The following ANGPTL7 variants were observed in gnomAD, a reference collection of about 807,000 sequenced individuals.
The protein encoded by ANGPTL7 is angiopoietin-related protein 7.
A neutral mutation model predicts 38.8 loss-of-function variants in ANGPTL7; 37 were observed. That is an observed-to-expected ratio of 0.95 (90% CI 0.73 to 1.25). The LOEUF is 1.25. Among genes scored for constraint, ANGPTL7 ranks in the 50% most tolerant of loss-of-function variants. ANGPTL7 has a pLI of 0.00. For missense variants in ANGPTL7, 427 were observed against 438.6 expected, an observed-to-expected ratio of 0.97 and a Z score of 0.24; for synonymous variants, 166 against 163.2, an observed-to-expected ratio of 1.02 and a Z score of -0.13.
chr1:11,189,600 A>G lies in ANGPTL7; in HGVS notation c.21A>G (p.Ser7=). 1 of 1,610,472 alleles carries G rather than the reference A, an allele frequency of 6.2e-7. No homozygotes were observed. Among genetic ancestry groups the G allele is most frequent in the South Asian group, 1.1e-5 (1 of 90,742 alleles). The change falls in exon 1 of 5, where the codon TCA becomes TCG. Residue 7 remains serine (S), a synonymous_variant. Transcript: ENST00000376819. Reference sequence around the variant, plus strand: ...AAAAGATGCTGAAAAAGCCTCTCTCAGCTGTGACCTGGCTCTGCATTTTCA... The same window carrying G: ...AAAAGATGCTGAAAAAGCCTCTCTCGGCTGTGACCTGGCTCTGCATTTTCA... MLKKPL[S]AVTWLCIFIV... is the part of the protein sequence containing the mutation.
In ANGPTL7 at chr1:11,193,595, G is replaced by A. The variant is rs1273514625; in HGVS notation, c.493G>A (p.Glu165Lys). 3 of 1,597,160 alleles carry A rather than the reference G, an allele frequency of 1.9e-6. No individual in the cohort carries two copies. The highest frequency in any genetic ancestry group is 1.1e-5 in the South Asian group (1 of 87,628). ...TCTGCTTCAGGTGTTCTGTGACATG[G>A]AGACTTCAGGCGGAGGCTGGACCAT... ...SPELEVFCDM[E>K]TSGGGWTIIQ... The change falls in exon 3 of 5, where the codon GAG becomes AAG. Residue 165 changes from glutamate to lysine, a missense_variant. By Grantham distance (56) the Glu-to-Lys change is moderately conservative. Coordinates refer to ENST00000376819, the MANE Select transcript of ANGPTL7 (RefSeq NM_021146.4).
chr1:11,193,324 G>A (rs1645624431), intron 2 of ANGPTL7, among the ~76,000 whole-genome samples: 1 of 150,958 alleles, frequency 6.6e-6, no homozygotes, highest in Non-Finnish European at 1.5e-5. Flanking sequence ...AAAAAAAAAA[G>A]TATCTGGATT....
intron 1 of ANGPTL7, among the ~76,000 whole-genome samples, chr1:11,191,488 CAT>C (rs1645528781): frequency 6.6e-6 from 1 of 152,166 alleles, no homozygotes; most frequent in Non-Finnish European, 1.5e-5. Flanking sequence ...CACCCCGAGA[CAT>C]AGCAGGCAGG....
At chr1:11,190,158 C>A (rs1021485275) in intron 1 of ANGPTL7, among the ~76,000 whole-genome samples, 1 of 152,212 alleles carries the variant, frequency 6.6e-6, no homozygotes, top group Non-Finnish European at 1.5e-5. Context: ...TTTATCCACA[C>A]AGTGTTTCAG....
At chr1:11,192,864 C>T (rs1645601005) in intron 2 of ANGPTL7, among the ~76,000 whole-genome samples, 1 of 152,042 alleles carries the variant, frequency 6.6e-6, no homozygotes, top group African/African-American at 2.4e-5. Flanking sequence ...TCTGTTTGGC[C>T]CCTTCAAATC....
intron 2 of ANGPTL7, 41 bp from the exon 3 acceptor site, chr1:11,193,539 G>A (rs754334070): frequency 6.5e-7 from 1 of 1,537,702 alleles, no homozygotes; most frequent in Non-Finnish European, 8.8e-7. Context: ...CCTGCCTTCT[G>A]CCCCTGCAAG....
intron 3 of ANGPTL7, 64 bp from the exon 4 acceptor site, chr1:11,194,397 G>T (rs1645691953): frequency 6.8e-7 from 1 of 1,480,034 alleles, no homozygotes; most frequent in African/African-American, 1.4e-5. Flanking sequence ...GGAGAGAAGG[G>T]GTATAGAGAC....
At chr1:11,194,099 T>C (rs191853326) in intron 3 of ANGPTL7, among the ~76,000 whole-genome samples, 4 of 152,298 alleles carry the variant, frequency 2.6e-5, no homozygotes, top group African/African-American at 9.6e-5. Flanking sequence ...CAAATCTTAC[T>C]GATACTGTTT....
chr1:11,192,689 G>A (rs1195385775), intron 2 of ANGPTL7, among the ~76,000 whole-genome samples: 2 of 149,526 alleles, frequency 1.3e-5, no homozygotes, highest in Non-Finnish European at 3.0e-5. Flanking sequence ...AGGTTGCAGT[G>A]AGCCGAGATC....
intron 2 of ANGPTL7, 45 bp downstream of exon 2, chr1:11,192,415 C>T (rs769205362): frequency 6.7e-7 from 1 of 1,491,120 alleles, no homozygotes; most frequent in South Asian, 1.1e-5. Context: ...ACCTGTCCTT[C>T]ACCCCCTCAA....
chr1:11,194,416 A>G, intron 3 of ANGPTL7, 45 bp from the exon 4 acceptor site: 1 of 1,588,154 alleles, frequency 6.3e-7, no homozygotes, highest in Non-Finnish European at 8.6e-7. Flanking sequence ...ACAGCATGAA[A>G]TGGAGCCTGC....
At chr1:11,191,695 G>A (rs1182327782) in intron 1 of ANGPTL7, among the ~76,000 whole-genome samples, 1 of 152,178 alleles carries the variant, frequency 6.6e-6, no homozygotes, top group Non-Finnish European at 1.5e-5. Context: ...CTGGGAGGAA[G>A]GCCTCAAAGG....
intron 1 of ANGPTL7, among the ~76,000 whole-genome samples, chr1:11,191,528 A>G (rs1282030845): frequency 1.3e-5 from 2 of 152,146 alleles, no homozygotes; most frequent in Non-Finnish European, 2.9e-5. Flanking sequence ...TAAGGGCCGC[A>G]GTCTCTGAAT....
chr1:11,194,572 G>C lies in ANGPTL7; in HGVS notation c.784G>C (p.Ala262Pro). The C allele has an allele frequency of 6.2e-7, 1 of 1,614,096 alleles. No individual in the cohort carries two copies. Among genetic ancestry groups the C allele is most frequent in the Non-Finnish European group, 8.5e-7 (1 of 1,180,028 alleles). ...GNYTGNVGND[A>P]LQYHNNTAFS... ...CTACACTGGCAATGTGGGGAACGAC[G>C]CCCTCCAGTATCATAACAACACAGC... The change falls in exon 4 of 5, where the codon GCC becomes CCC. Residue 262 changes from alanine (A) to proline (P), a missense_variant. By Grantham distance (27) the Ala-to-Pro change is conservative. Coordinates refer to ENST00000376819, the MANE Select transcript of ANGPTL7 (RefSeq NM_021146.4).
chr1:11,190,584 G>A (rs574762272), intron 1 of ANGPTL7, among the ~76,000 whole-genome samples: 18 of 152,158 alleles, frequency 1.2e-4, no homozygotes, highest in African/African-American at 4.1e-4. Flanking sequence ...GAATTTCTCC[G>A]AATACAGGAT....
chr1:11,192,394 C>T, intron 2 of ANGPTL7, 24 bp downstream of exon 2: 2 of 1,555,344 alleles, frequency 1.3e-6, no homozygotes, highest in East Asian at 2.2e-5. Flanking sequence ...AGTCACTGGC[C>T]ATGCCCTAAT....
rs889704493 is a variant in ANGPTL7 at position 11,189,421 on chromosome 1, G to C, written c.-159G>C. 2.2e-6 allele frequency: 2 copies of C among 914,862 alleles called. No individual in the cohort carries two copies. Among genetic ancestry groups the C allele is most frequent in the Admixed American group, 4.7e-5 (2 of 42,168 alleles). The allele number at this position is 914,862 out of a possible 1,614,324, so 56.7% of individuals were successfully genotyped here. A position where few individuals can be genotyped will look rare whatever the true frequency, so the allele number is the denominator to read the frequency against. On this transcript the variant is annotated 5_prime_UTR_variant, in exon 1 of 5. Coordinates refer to ENST00000376819, the MANE Select transcript of ANGPTL7 (RefSeq NM_021146.4). ...TGTCAGAGACTCAAGCTTTGAGAAA[G>C]GCTAGCAAAGAGCAAGGAAAGAGAG...
At chr1:11,192,408 T>C in intron 2 of ANGPTL7, 38 bp downstream of exon 2, 5 of 1,505,636 alleles carry the variant, frequency 3.3e-6, no homozygotes, top group Non-Finnish European at 4.6e-6. Flanking sequence ...CCCTAATACC[T>C]GTCCTTCACC....
chr1:11,193,541 C>T (rs1369981262), intron 2 of ANGPTL7, 39 bp from the exon 3 acceptor site: 3 of 1,537,956 alleles, frequency 2.0e-6, no homozygotes, highest in South Asian at 1.3e-5. Flanking sequence ...TGCCTTCTGC[C>T]CCTGCAAGTC....
Sources: gnomAD v4.1 joint callset for allele counts (sites outside exome capture counted in the v4.1 genomes callset) on GRCh38, gnomAD v4.1.1 for gene constraint, MANE v1.5 for transcripts, NCBI Gene and HGNC (gene_info 2026-07-23, HGNC 2026-07-21) for gene names.